TBCK: variants seen among roughly 807,000 people sequenced by gnomAD.
TBCK encodes TBC1 domain containing kinase.
A neutral mutation model predicts 113.4 loss-of-function variants in TBCK; 99 were observed. That is an observed-to-expected ratio of 0.87 (90% CI 0.74 to 1.03). TBCK has a LOEUF of 1.03. TBCK is among the 50% of genes least tolerant of loss of function. TBCK has a pLI of 0.00. For synonymous variants in TBCK, 369 were observed against 370.8 expected (o/e 1.00, Z 0.05); for missense variants, 1,045 against 1,061.3 (o/e 0.98, Z 0.21).
At chr4:106,134,026 C>CAA (rs546489016) in intron 23 of TBCK, among the ~76,000 whole-genome samples, 1 of 118,608 alleles carries the variant, frequency 8.4e-6, no homozygotes, top group Non-Finnish European at 1.8e-5. Context: ...AAAACAAAAA[C>CAA]AAAAAAAAAA....
At position 106,043,357 on chromosome 4, in the gene TBCK, T is replaced by G. The variant is rs1051745528; in HGVS notation, c.*3213A>C. The G allele has an allele frequency of 2.0e-5, 3 of 152,192 alleles. No individual in the cohort carries two copies. The highest frequency in any genetic ancestry group is 1.3e-4 in the Admixed American group (2 of 15,280). 9.4% of individuals were successfully genotyped at this position (152,192 alleles called of 1,614,324 possible). ...GAATTGAGATTTCAATTTATTTCTATACTATCAGGTACCAGATAAGTTTGG... is the reference window on the plus strand; with the variant it reads ...GAATTGAGATTTCAATTTATTTCTAGACTATCAGGTACCAGATAAGTTTGG... On this transcript the variant is annotated 3_prime_UTR_variant, in exon 26 of 26. Coordinates refer to ENST00000394708, the MANE Select transcript of TBCK (RefSeq NM_001163435.3).
chr4:106,233,291 G>A (rs1441606093), intron 16 of TBCK, among the ~76,000 whole-genome samples: 2 of 151,892 alleles, frequency 1.3e-5, no homozygotes, highest in Non-Finnish European at 2.9e-5. Context: ...CTTTTGAAAG[G>A]TATGTATGTG....
chr4:106,264,862 C>T (rs1385402107), intron 3 of TBCK, among the ~76,000 whole-genome samples: 1 of 151,900 alleles, frequency 6.6e-6, no homozygotes, highest in Non-Finnish European at 1.5e-5. Flanking sequence ...CACGGCGCAT[C>T]TGAAAATATC....
chr4:106,217,579 C>G (rs1483372535), intron 19 of TBCK, among the ~76,000 whole-genome samples: 2 of 151,682 alleles, frequency 1.3e-5, no homozygotes, highest in Non-Finnish European at 2.9e-5. Flanking sequence ...CAACAACAGA[C>G]AAACAGAGAG....
chr4:106,119,488 C>A lies in TBCK; in HGVS notation c.2236-3110G>T, dbSNP rs569060064. ...CAGAAAAATGAAACTAGACCCCTATCTCTTACTATATGCAAAAATCAGATA... is the reference window on the plus strand; with the variant it reads ...CAGAAAAATGAAACTAGACCCCTATATCTTACTATATGCAAAAATCAGATA... On this transcript the variant is annotated intron_variant, in intron 23 of 25. Transcript: ENST00000394708. Among the ~76,000 whole-genome samples the A allele has an allele frequency of 2.5e-4, 38 of 152,206 alleles. No individual in the cohort carries two copies. The South Asian group carries it at 7.7e-3, about 31-fold the overall frequency.
chr4:106,206,241 G>GT (rs923734252), intron 20 of TBCK, among the ~76,000 whole-genome samples: 4 of 152,030 alleles, frequency 2.6e-5, no homozygotes, highest in African/African-American at 9.7e-5. Context: ...AGATGTGGGG[G>GT]TAATGCAAAT....
At chr4:106,207,771 A>G (rs79947198) in intron 20 of TBCK, among the ~76,000 whole-genome samples, 2 of 152,196 alleles carry the variant, frequency 1.3e-5, no homozygotes, top group African/African-American at 4.8e-5. Flanking sequence ...AAGATTTCAA[A>G]AAACAGTCTT....
At chr4:106,273,888 T>C (rs1258971274) in intron 3 of TBCK, among the ~76,000 whole-genome samples, 1 of 152,220 alleles carries the variant, frequency 6.6e-6, no homozygotes, top group Non-Finnish European at 1.5e-5. Flanking sequence ...TTTGTTGCAG[T>C]AGCCATAGAA....
intron 23 of TBCK, among the ~76,000 whole-genome samples, chr4:106,130,767 C>A (rs1310104362): frequency 6.6e-6 from 1 of 152,094 alleles, no homozygotes; most frequent in Non-Finnish European, 1.5e-5. Context: ...AAATATGCAA[C>A]TTGTTTTCAA....
At chr4:106,087,235 T>A (rs1739621126) in intron 25 of TBCK, among the ~76,000 whole-genome samples, 1 of 152,122 alleles carries the variant, frequency 6.6e-6, no homozygotes, top group Non-Finnish European at 1.5e-5. Context: ...TTCAGTAAAG[T>A]CTCAGAATAA....
chr4:106,291,922 T>C (rs1166574564), intron 3 of TBCK, among the ~76,000 whole-genome samples: 2 of 152,244 alleles, frequency 1.3e-5, no homozygotes, highest in East Asian at 1.9e-4. Context: ...TTGACCGATG[T>C]TGACAACAAT....
Position 106,135,977 on chromosome 4 carries a change from C to T in TBCK, c.2236-19599G>A, listed in dbSNP as rs1389807740. Among the ~76,000 whole-genome samples the T allele has an allele frequency of 1.4e-5, 2 of 141,118 alleles. 1 individual carries two copies. Among genetic ancestry groups the T allele is most frequent in the African/African-American group, 5.0e-5 (2 of 39,870 alleles). 92.6% of individuals were successfully genotyped at this position (141,118 alleles called of 152,430 possible). A position where few individuals can be genotyped will look rare whatever the true frequency, so the allele number is the denominator to read the frequency against. ...CGAGGAATGTGTCACATAGTAATAA[C>T]AGTATCTTAGGAATATTAATTTGGC... is the stretch of plus-strand genomic sequence containing the variant. On this transcript the variant is annotated intron_variant, in intron 23 of 25. Coordinates refer to ENST00000394708, the MANE Select transcript of TBCK (RefSeq NM_001163435.3).
intron 25 of TBCK, among the ~76,000 whole-genome samples, chr4:106,092,591 G>GTGGGCCAGCACTGC (rs1740414004): frequency 6.6e-6 from 1 of 152,238 alleles, no homozygotes; most frequent in African/African-American, 2.4e-5. Flanking sequence ...TGCAGCGCTG[G>GTGGGCCAGCACTGC]TGGGCCAGCA....
intron 20 of TBCK, among the ~76,000 whole-genome samples, chr4:106,211,263 GCTT>G (rs1338734136): frequency 6.6e-6 from 1 of 152,048 alleles, no homozygotes; most frequent in Non-Finnish European, 1.5e-5. Flanking sequence ...CTCCTTGACA[GCTT>G]CTTCAACTCT....
At chr4:106,149,274 T>G (rs1748203884) in intron 23 of TBCK, among the ~76,000 whole-genome samples, 1 of 152,224 alleles carries the variant, frequency 6.6e-6, no homozygotes, top group South Asian at 2.1e-4. Context: ...AGTAGCATTT[T>G]TAATTTCCTT....
At chr4:106,047,363 C>T (rs1354729718) in intron 25 of TBCK, among the ~76,000 whole-genome samples, 3 of 152,156 alleles carry the variant, frequency 2.0e-5, no homozygotes, top group East Asian at 1.9e-4. Context: ...GATAAAGCAT[C>T]CCTCAACTGC....
chr4:106,276,561 T>C (rs1764045197), intron 3 of TBCK, among the ~76,000 whole-genome samples: 1 of 151,900 alleles, frequency 6.6e-6, no homozygotes, highest in African/African-American at 2.4e-5. Flanking sequence ...ACAATAATAA[T>C]AATAACTTCT....
At chr4:106,230,045 G>A (rs536163237) in intron 19 of TBCK, among the ~76,000 whole-genome samples, 1 of 152,014 alleles carries the variant, frequency 6.6e-6, no homozygotes, top group South Asian at 2.1e-4. Flanking sequence ...AATTTACAAT[G>A]GACTTGCCCA....
intron 24 of TBCK, among the ~76,000 whole-genome samples, chr4:106,113,745 A>G (rs1038922044): frequency 1.3e-5 from 2 of 152,214 alleles, no homozygotes; most frequent in African/African-American, 4.8e-5. Flanking sequence ...CTGGACACAG[A>G]CACCATTCAC....
Sources: allele counts gnomAD v4.1 joint callset (sites outside exome capture counted in the v4.1 genomes callset), GRCh38; gene constraint gnomAD v4.1.1; transcripts MANE v1.5; gene names NCBI Gene and HGNC (gene_info 2026-07-23, HGNC 2026-07-21).